BPTF: variants seen among roughly 807,000 people sequenced by gnomAD.
BPTF encodes nucleosome-remodeling factor subunit BPTF.
A neutral mutation model predicts 292.5 loss-of-function variants in BPTF; 18 were observed. That is an observed-to-expected ratio of 0.06 (90% CI 0.04 to 0.09). BPTF has a LOEUF of 0.09. Ranked by LOEUF, BPTF falls within the 10% of genes least tolerant of loss-of-function variation. The pLI is 1.00. For missense variants in BPTF, 2,726 were observed against 3,498.7 expected (o/e 0.78, Z 5.57); for synonymous variants, 1,225 against 1,251.9 (o/e 0.98, Z 0.45).
chr17:67,874,291 A>G (rs953857962), intron 3 of BPTF, among the ~76,000 whole-genome samples: 2 of 152,188 alleles, frequency 1.3e-5, no homozygotes, highest in Admixed American at 6.5e-5. Context: ...CAGAACAATT[A>G]AGGGACTTCA....
chr17:67,974,112 A>G (rs868938182), intron 26 of BPTF: 8 of 152,160 alleles, frequency 5.3e-5, no homozygotes, highest in Admixed American at 6.5e-5. Context: ...TTAGTTTGAA[A>G]TGTGTTGTCT....
intron 23 of BPTF, among the ~76,000 whole-genome samples, chr17:67,949,372 C>T (rs1310419785): frequency 6.6e-6 from 1 of 151,436 alleles, no homozygotes; most frequent in South Asian, 2.1e-4. Context: ...GTCAGGAGTT[C>T]GAGACCAGCC....
At chr17:67,836,577 A>G (rs1431907164) in intron 1 of BPTF, among the ~76,000 whole-genome samples, 5 of 152,214 alleles carry the variant, frequency 3.3e-5, no homozygotes, top group East Asian at 3.9e-4. Flanking sequence ...TCCTAAAACA[A>G]TCCTTTCTAA....
At chr17:67,843,023 A>T (rs1340092676) in intron 1 of BPTF, among the ~76,000 whole-genome samples, 1 of 151,468 alleles carries the variant, frequency 6.6e-6, no homozygotes, top group Admixed American at 6.6e-5. Context: ...TAAAATATGT[A>T]TAGTGGTTTA....
intron 27 of BPTF, among the ~76,000 whole-genome samples, chr17:67,979,184 A>G (rs1272286230): frequency 1.3e-5 from 2 of 150,726 alleles, no homozygotes; most frequent in African/African-American, 4.9e-5. Context: ...AAAAAAAAAA[A>G]AAAAAAGGCC....
chr17:67,866,301 C>CA (rs1359301023), intron 2 of BPTF, among the ~76,000 whole-genome samples, 163 bp from the exon 3 acceptor site: 1 of 152,046 alleles, frequency 6.6e-6, no homozygotes, highest in African/African-American at 2.4e-5. Flanking sequence ...TATCATTTCT[C>CA]AGAGTAAATC....
At position 67,983,412 on chromosome 17, in the gene BPTF, A is replaced by G. The variant is rs781935993; in HGVS notation, c.*1124A>G. On this transcript the variant is annotated 3_prime_UTR_variant, in exon 28 of 28. Transcript: ENST00000306378. ...AGATACACATTGCCTTCATCTGTACATTCTGTGATACCAGGCAAATTACCA... is the reference window on the plus strand; with the variant it reads ...AGATACACATTGCCTTCATCTGTACGTTCTGTGATACCAGGCAAATTACCA... 6.5e-6 allele frequency: 1 copy of G among 152,680 alleles called. No individual in the cohort carries two copies. The highest frequency in any genetic ancestry group is 1.5e-5 in the Non-Finnish European group (1 of 68,048). The allele number at this position is 152,680 out of a possible 1,614,324, so 9.5% of individuals were successfully genotyped here.
At chr17:67,920,193 T>C in intron 13 of BPTF, 50 bp downstream of exon 13, 4 of 1,545,352 alleles carry the variant, frequency 2.6e-6, no homozygotes, top group Non-Finnish European at 3.5e-6. Context: ...AACCATGTAT[T>C]TTATGAATTG....
intron 7 of BPTF, among the ~76,000 whole-genome samples, chr17:67,902,874 A>G (rs185543637): frequency 3.9e-5 from 6 of 152,344 alleles, no homozygotes; most frequent in African/African-American, 1.2e-4. Flanking sequence ...GTGTGATAAA[A>G]GCAGTTCTTC....
At position 67,922,031 on chromosome 17, in the gene BPTF, C is replaced by CA. The variant is rs553897198; in HGVS notation, c.5558-799dup. ...GGGCAACAGAGCAAGACTCTGTCTC[C>CA]AAAAAAAAAACAAAATCACAAGGTC... On this transcript the variant is annotated intron_variant, in intron 13 of 27. Transcript: ENST00000306378. Among the ~76,000 whole-genome samples the CA allele has an allele frequency of 1.0e-3, 143 of 141,682 alleles. 1 individual carries two copies. In the Middle Eastern group the frequency reaches 0.011, roughly 11 times the overall value. The allele number at this position is 141,682 out of a possible 152,430, so 92.9% of individuals were successfully genotyped here.
At chr17:67,964,975 GGC>G (rs2067920790) in intron 25 of BPTF, 1 of 141,840 alleles carries the variant, frequency 7.1e-6, no homozygotes, top group Non-Finnish European at 1.5e-5. Flanking sequence ...CTCCAACCTG[GGC>G]GAGAGTGTGA....
At chr17:67,842,745 T>G (rs1340917348) in intron 1 of BPTF, among the ~76,000 whole-genome samples, 1 of 148,006 alleles carries the variant, frequency 6.8e-6, no homozygotes, top group East Asian at 2.0e-4. Context: ...CTGCAGAACA[T>G]CTTTAAAGTA....
intron 1 of BPTF, among the ~76,000 whole-genome samples, chr17:67,833,153 C>T (rs1190109311): frequency 1.3e-5 from 2 of 151,982 alleles, no homozygotes; most frequent in Non-Finnish European, 2.9e-5. Flanking sequence ...ATATGTCTTC[C>T]ATCATTTAGC....
chr17:67,938,957 A>G (rs2065145590), intron 18 of BPTF, among the ~76,000 whole-genome samples: 1 of 152,230 alleles, frequency 6.6e-6, no homozygotes, highest in Admixed American at 6.5e-5. Flanking sequence ...GCACTGTGAT[A>G]CATGATACTA....
intron 11 of BPTF, among the ~76,000 whole-genome samples, chr17:67,917,045 G>A (rs1349849284): frequency 2.0e-5 from 3 of 150,292 alleles, no homozygotes; most frequent in African/African-American, 4.9e-5. Context: ...TGTGTAAAAC[G>A]TTTAGTACCT....
intron 1 of BPTF, among the ~76,000 whole-genome samples, chr17:67,843,211 T>C (rs559255742): frequency 7.9e-6 from 1 of 127,050 alleles, no homozygotes; most frequent in South Asian, 2.8e-4. Context: ...CATGTAGATG[T>C]ATGTAGATAT....
At position 67,891,891 on chromosome 17, in the gene BPTF, C is replaced by A. The variant is rs1446228670; in HGVS notation, c.1912C>A (p.Pro638Thr). ...EKSNGELSES[P>T]GAGKGASGST... Reference sequence around the variant, plus strand: ...GTCCAACGGGGAGCTAAGTGAATCTCCTGGAGCTGGAAAAGGAGCATCTGG... The same window carrying A: ...GTCCAACGGGGAGCTAAGTGAATCTACTGGAGCTGGAAAAGGAGCATCTGG... The change falls in exon 5 of 28, where the codon CCT becomes ACT. Residue 638 changes from proline (P) to threonine (T), a missense_variant. Pro to Thr is a conservative substitution (Grantham distance 38). Around this residue, in one of 22 missense-constraint regions of BPTF, gnomAD observed 187 missense variants for 201.5 expected, o/e 0.93. Coordinates refer to ENST00000306378, the MANE Select transcript of BPTF (RefSeq NM_182641.4). 2 of 1,610,924 alleles carry A rather than the reference C, an allele frequency of 1.2e-6. No individual in the cohort carries two copies. Among genetic ancestry groups the A allele is most frequent in the Admixed American group, 3.4e-5 (2 of 59,408 alleles).
intron 3 of BPTF, among the ~76,000 whole-genome samples, chr17:67,870,915 G>A (rs993728525): frequency 9.3e-5 from 14 of 150,090 alleles, no homozygotes; most frequent in Middle Eastern, 3.4e-3. Flanking sequence ...GACTACAGGC[G>A]CCCGCCACTA....
intron 27 of BPTF, among the ~76,000 whole-genome samples, chr17:67,978,527 G>C (rs1321611781): frequency 1.2e-4 from 18 of 150,462 alleles, no homozygotes; most frequent in Non-Finnish European, 2.1e-4. Context: ...TCAAACTGCA[G>C]ACCTCGTGAT....
Sources: gnomAD v4.1 joint callset for allele counts (sites outside exome capture counted in the v4.1 genomes callset) on GRCh38, gnomAD v4.1.1 for gene constraint, gnomAD v4.1.1 regional missense constraint, MANE v1.5 for transcripts, NCBI Gene and HGNC (gene_info 2026-07-23, HGNC 2026-07-21) for gene names.